CDK5RAP2: variants seen among roughly 807,000 people sequenced by gnomAD.
CDK5RAP2 encodes CDK5 regulatory subunit associated protein 2.
In CDK5RAP2, 147 loss-of-function variants were observed where a neutral mutation model predicts 232.9. That is an observed-to-expected ratio of 0.63 (90% CI 0.55 to 0.72). CDK5RAP2 has a LOEUF of 0.72. Among genes scored for constraint, CDK5RAP2 ranks in the 30% least tolerant of loss-of-function variants. The pLI is 0.00. For missense variants in CDK5RAP2, 2,195 were observed against 2,231.5 expected (o/e 0.98, Z 0.33); for synonymous variants, 833 against 833.7 (o/e 1.00, Z 0.01).
chr9:120,443,197 G>A (rs1015554550), intron 23 of CDK5RAP2, among the ~76,000 whole-genome samples: 117 of 152,098 alleles, frequency 7.7e-4, no homozygotes, highest in Admixed American at 8.5e-4. Flanking sequence ...GCTCTCTTCT[G>A]ACCCACTCCT....
Position 120,394,569 on chromosome 9 carries a change from T to C in CDK5RAP2, c.5521A>G (p.Asn1841Asp). Reference sequence around the variant, plus strand: ...CTCAGCTGCAAAAGCTTCATGGTGTTTTGCAACTTCTTTTCTTGTTCAAAC... The same window carrying C: ...CTCAGCTGCAAAAGCTTCATGGTGTCTTGCAACTTCTTTTCTTGTTCAAAC... Reference protein sequence around the residue: ...KLFEQEKKLQNTMKLLQLSKR... With the variant: ...KLFEQEKKLQDTMKLLQLSKR... The change falls in exon 36 of 38, where the codon AAC becomes GAC. Residue 1841 changes from asparagine (N) to aspartate (D), a missense_variant. Coordinates refer to ENST00000349780, the MANE Select transcript of CDK5RAP2 (RefSeq NM_018249.6). The C allele has an allele frequency of 6.2e-7, 1 of 1,614,198 alleles. No homozygotes were observed. Among genetic ancestry groups the C allele is most frequent in the Non-Finnish European group, 8.5e-7 (1 of 1,180,040 alleles).
chr9:120,391,027 G>A (rs182785296), intron 36 of CDK5RAP2, among the ~76,000 whole-genome samples: 44 of 152,228 alleles, frequency 2.9e-4, no homozygotes, highest in Non-Finnish European at 5.4e-4. Flanking sequence ...TTCCTGACAT[G>A]GGGCCCTGGA....
chr9:120,504,261 T>G (rs1355453623), intron 12 of CDK5RAP2, among the ~76,000 whole-genome samples: 1 of 151,992 alleles, frequency 6.6e-6, no homozygotes, highest in Admixed American at 6.6e-5. Context: ...CAAAGATGAC[T>G]GATGAGGAAA....
intron 12 of CDK5RAP2, among the ~76,000 whole-genome samples, chr9:120,504,669 G>A (rs958789463): frequency 6.6e-6 from 1 of 152,154 alleles, no homozygotes; most frequent in African/African-American, 2.4e-5. Flanking sequence ...CAAGTTAACT[G>A]CAGAATGAAG....
chr9:120,419,920 C>G lies in CDK5RAP2; in HGVS notation c.4045G>C (p.Glu1349Gln). The stretch of plus-strand genomic sequence containing the variant: ...TGAGAGGCTGAAGGCTCAGGAGATT[C>G]AGGCAGAAGATGTTGGTAGGTTAAG... ...DNLTYQHLLP[E>Q]SPEPSASHAL... is the part of the protein sequence containing the mutation. The change falls in exon 27 of 38, where the codon GAA (glutamate) becomes CAA (glutamine). Residue 1349 changes from glutamate (E) to glutamine (Q), a missense_variant. Coordinates refer to ENST00000349780, the MANE Select transcript of CDK5RAP2 (RefSeq NM_018249.6). 4 of 1,614,088 alleles carry G rather than the reference C, an allele frequency of 2.5e-6. No individual in the cohort carries two copies. The highest frequency in any genetic ancestry group is 3.4e-6 in the Non-Finnish European group (4 of 1,179,934).
chr9:120,468,024 T>C (rs754940173), intron 17 of CDK5RAP2, 27 bp from the exon 18 acceptor site: 1 of 1,613,218 alleles, frequency 6.2e-7, no homozygotes, highest in Non-Finnish European at 8.5e-7. Flanking sequence ...GGGAAAAGGC[T>C]GTCTACCCAG....
intron 25 of CDK5RAP2, among the ~76,000 whole-genome samples, chr9:120,425,103 C>T (rs1274044481): frequency 6.6e-6 from 1 of 152,056 alleles, no homozygotes; most frequent in African/African-American, 2.4e-5. Context: ...GATCTTAGAC[C>T]CATCAAAAAC....
chr9:120,538,582 G>A (rs539116270), intron 6 of CDK5RAP2, among the ~76,000 whole-genome samples: 98 of 152,228 alleles, frequency 6.4e-4, no homozygotes, highest in Non-Finnish European at 1.2e-3. Flanking sequence ...AAGGACACGT[G>A]GTAGCCTAAA....
intron 25 of CDK5RAP2, among the ~76,000 whole-genome samples, chr9:120,424,339 T>C (rs572427884): frequency 2.7e-4 from 41 of 151,926 alleles, no homozygotes; most frequent in African/African-American, 8.5e-4. Context: ...TAGATAGAGG[T>C]TGACAGGCCT....
At chr9:120,510,770 C>G (rs552062816) in intron 12 of CDK5RAP2, among the ~76,000 whole-genome samples, 88 of 152,276 alleles carry the variant, frequency 5.8e-4, no homozygotes, top group South Asian at 1.4e-3. Context: ...GCAAAGGTCT[C>G]CTGAGTTTCC....
At chr9:120,499,455 T>G (rs1367870583) in intron 12 of CDK5RAP2, among the ~76,000 whole-genome samples, 5 of 152,198 alleles carry the variant, frequency 3.3e-5, no homozygotes, top group Non-Finnish European at 5.9e-5. Context: ...ATAGATGATT[T>G]TTTTAATTGT....
intron 22 of CDK5RAP2, among the ~76,000 whole-genome samples, chr9:120,444,325 C>T (rs1171318824): frequency 6.6e-6 from 1 of 152,198 alleles, no homozygotes; most frequent in African/African-American, 2.4e-5. Context: ...CTCTGTTGAG[C>T]TGAGTTACCT....
intron 8 of CDK5RAP2, 130 bp from the exon 9 acceptor site, chr9:120,528,927 T>C (rs2041027010): frequency 4.2e-6 from 3 of 716,554 alleles, no homozygotes; most frequent in African/African-American, 1.7e-5. Flanking sequence ...TTAAAACAAG[T>C]GTCCCCTCCC....
At chr9:120,569,866 T>C (rs1395318233) in intron 2 of CDK5RAP2, among the ~76,000 whole-genome samples, 5 of 151,990 alleles carry the variant, frequency 3.3e-5, no homozygotes, top group Admixed American at 3.3e-4. Flanking sequence ...CAGATCATGG[T>C]GGGTTGGAGT....
Position 120,415,118 on chromosome 9 carries a change from T to G in CDK5RAP2, c.4219A>C (p.Lys1407Gln). The G allele has an allele frequency of 6.2e-7, 1 of 1,614,154 alleles. No homozygotes were observed. The highest frequency in any genetic ancestry group is 8.5e-7 in the Non-Finnish European group (1 of 1,179,968). Residue 1407 changes from lysine to glutamine, a missense_variant, in exon 28 of 38, where the codon AAG (lysine) becomes CAG (glutamine). Physicochemically the swap from Lys to Gln is moderately conservative, Grantham distance 53. Coordinates refer to ENST00000349780, the MANE Select transcript of CDK5RAP2 (RefSeq NM_018249.6). Reference protein sequence around the residue: ...EHIQEIRTLRKRLEESIKTNE... With the variant: ...EHIQEIRTLRQRLEESIKTNE... The stretch of plus-strand genomic sequence containing the variant: ...GTTTTAATAGATTCTTCTAAACGCT[T>G]TCTCAAAGTTCGAATTTCCTGTATG...
rs191492572 is a variant in CDK5RAP2, at chr9:120,553,512, A to C, written c.196-2610T>G. On this transcript the variant is annotated intron_variant, in intron 3 of 37. Transcript: ENST00000349780. Reference sequence around the variant, plus strand: ...AAATTCCTCTCGTTACCCTGTTATAAAGAGAGTGACAGAAACACAAGCTAG... The same window carrying C: ...AAATTCCTCTCGTTACCCTGTTATACAGAGAGTGACAGAAACACAAGCTAG... Among the ~76,000 whole-genome samples, 251 of 152,296 alleles carry C rather than the reference A, an allele frequency of 1.6e-3. 1 individual carries two copies. The highest frequency in any genetic ancestry group is 2.8e-3 in the Non-Finnish European group (192 of 68,038).
chr9:120,458,552 T>A lies in CDK5RAP2; in HGVS notation c.2273A>T (p.Asp758Val). 2 of 1,614,170 alleles carry A rather than the reference T, an allele frequency of 1.2e-6. No individual in the cohort carries two copies. The highest frequency in any genetic ancestry group is 2.7e-5 in the African/African-American group (2 of 75,050). The change falls in exon 20 of 38, where the codon GAT becomes GTT. Residue 758 changes from aspartate (D) to valine (V), a missense_variant. Coordinates refer to ENST00000349780, the MANE Select transcript of CDK5RAP2 (RefSeq NM_018249.6). ...GCCAGGTGCGTGGGCCCCATCACAA[T>A]CTGAAATCTTAGACTCCGTGTGCCT... ...YLRHTESKIS[D>V]CDGAHAPGCL...
chr9:120,534,037 C>T (rs931300105), intron 7 of CDK5RAP2, among the ~76,000 whole-genome samples: 16 of 152,152 alleles, frequency 1.1e-4, no homozygotes, highest in African/African-American at 3.9e-4. Flanking sequence ...AGTGTCAATC[C>T]ATTCCCCAAG....
In CDK5RAP2 at chr9:120,435,176, T is replaced by C. The variant is rs1051576556; in HGVS notation, c.3955+2119A>G. Reference sequence around the variant, plus strand: ...TTAAATTCAAGAACATACTATAATGTATTTTTAGCCTAAAAACAAAGAGAA... The same window carrying C: ...TTAAATTCAAGAACATACTATAATGCATTTTTAGCCTAAAAACAAAGAGAA... On this transcript the variant is annotated intron_variant, in intron 25 of 37. Transcript: ENST00000349780. 3.3e-5 allele frequency among the ~76,000 whole-genome samples: 5 copies of C among 152,356 alleles called. 1 individual carries two copies. In the South Asian group the frequency reaches 1.0e-3, roughly 32 times the overall value.
Sources: allele counts gnomAD v4.1 joint callset (sites outside exome capture counted in the v4.1 genomes callset), GRCh38; gene constraint gnomAD v4.1.1; transcripts MANE v1.5; gene names NCBI Gene and HGNC (gene_info 2026-07-23, HGNC 2026-07-21).